INTS4: variants seen among roughly 807,000 people sequenced by gnomAD.
INTS4 encodes the protein MSTP093.
INTS4 carries 70 observed loss-of-function variants against 119.5 expected under a neutral mutation model. The observed-to-expected ratio is 0.59, with a 90% CI of 0.48 to 0.71. The LOEUF (loss-of-function observed/expected upper bound fraction) is 0.71, where lower values mean the gene tolerates loss of function less well. Among genes scored for constraint, INTS4 ranks in the 30% least tolerant of loss-of-function variants. The pLI is 0.00. For missense variants in INTS4, 867 were observed against 1,173.2 expected (o/e 0.74, Z 3.81); for synonymous variants, 316 against 419.6 (o/e 0.75, Z 3.02).
At chr11:77,909,642 T>C (rs1226788806) in intron 15 of INTS4, among the ~76,000 whole-genome samples, 3 of 152,196 alleles carry the variant, frequency 2.0e-5, no homozygotes, top group Admixed American at 6.5e-5. Flanking sequence ...AGGAAATAAA[T>C]AGCCATTATA....
At chr11:77,914,658 T>C (rs984643315) in intron 15 of INTS4, among the ~76,000 whole-genome samples, 9 of 152,212 alleles carry the variant, frequency 5.9e-5, no homozygotes, top group Admixed American at 5.2e-4. Flanking sequence ...TGGCAACTAC[T>C]CAACTCTGTG....
chr11:77,937,000 C>A (rs1477447182), intron 10 of INTS4, among the ~76,000 whole-genome samples: 1 of 152,024 alleles, frequency 6.6e-6, no homozygotes, highest in African/African-American at 2.4e-5. Flanking sequence ...CATGGCAAAA[C>A]CCCGTCTCTA....
At position 77,978,990 on chromosome 11, in the gene INTS4, T is replaced by C; in HGVS notation, c.471+6A>G. The C allele has an allele frequency of 6.3e-7, 1 of 1,576,628 alleles. No homozygotes were observed. The highest frequency in any genetic ancestry group is 2.2e-5 in the East Asian group (1 of 44,614). ...GGATGGATCTGAATAGATTTTATAC[T>C]CTTACCTTGCAGGCCACATCAACTA... is the stretch of plus-strand genomic sequence containing the variant. On this transcript the variant is annotated splice_donor_region_variant and intron_variant, in intron 4 of 22. Coordinates refer to ENST00000534064, the MANE Select transcript of INTS4 (RefSeq NM_033547.4).
In INTS4 at chr11:77,948,138, C is replaced by T. The variant is rs565071749; in HGVS notation, c.919-6887G>A. Reference sequence around the variant, plus strand: ...TGCTGGGATAATAGGCAAGAGCCACCACACCAGCCTAACTGAAGACTCTGT... The same window carrying T: ...TGCTGGGATAATAGGCAAGAGCCACTACACCAGCCTAACTGAAGACTCTGT... On this transcript the variant is annotated intron_variant, in intron 8 of 22. Coordinates refer to ENST00000534064, the MANE Select transcript of INTS4 (RefSeq NM_033547.4). 1.6e-3 allele frequency among the ~76,000 whole-genome samples: 243 copies of T among 152,230 alleles called. 3 individuals carry two copies. The highest frequency in any genetic ancestry group is 9.7e-4 in the East Asian group (5 of 5,152).
chr11:77,907,079 TTTTGTTTG>T (rs374666939), intron 16 of INTS4, among the ~76,000 whole-genome samples: 1 of 152,130 alleles, frequency 6.6e-6, no homozygotes, highest in Non-Finnish European at 1.5e-5. Flanking sequence ...CAGTGAGTTT[TTTTGTTTG>T]TTTGTTTGTT....
intron 22 of INTS4, among the ~76,000 whole-genome samples, chr11:77,881,045 A>G (rs537856230): frequency 6.6e-6 from 1 of 152,348 alleles, no homozygotes; most frequent in South Asian, 2.1e-4. Context: ...AACATTTGAT[A>G]AGAATGGCAA....
intron 2 of INTS4, chr11:77,987,313 T>C (rs1213954943): frequency 6.1e-6 from 1 of 164,944 alleles, no homozygotes; most frequent in Non-Finnish European, 1.3e-5. Flanking sequence ...TGACCTTGGA[T>C]ACTAAACAGC....
At chr11:77,903,317 C>A (rs1459771571) in intron 17 of INTS4, among the ~76,000 whole-genome samples, 3 of 151,616 alleles carry the variant, frequency 2.0e-5, no homozygotes, top group Admixed American at 6.6e-5. Context: ...CCAGACAATT[C>A]CTGGACAGAG....
intron 21 of INTS4, 97 bp downstream of exon 21, chr11:77,891,222 T>C (rs1952247145): frequency 8.7e-7 from 1 of 1,149,278 alleles, no homozygotes; most frequent in African/African-American, 1.6e-5. Context: ...CCTGTCCCAG[T>C]TTCTGTCCCT....
intron 16 of INTS4, among the ~76,000 whole-genome samples, chr11:77,904,116 C>T (rs1289585736): frequency 6.6e-6 from 1 of 152,200 alleles, no homozygotes; most frequent in Non-Finnish European, 1.5e-5. Context: ...TTCAATCTTT[C>T]TACATTCAAA....
rs189651575 is a variant in INTS4 at position 77,964,430 on chromosome 11, C to T, written c.472-3292G>A. The stretch of plus-strand genomic sequence containing the variant: ...AAAAAAAAATACAAAAAAAATTAGC[C>T]GGGCATGGTCGCGGGCACCTGTAGT... On this transcript the variant is annotated intron_variant, in intron 4 of 22. Coordinates refer to ENST00000534064, the MANE Select transcript of INTS4 (RefSeq NM_033547.4). Among the ~76,000 whole-genome samples the T allele has an allele frequency of 3.1e-3, 470 of 151,652 alleles. 5 individuals are homozygous for T. The highest frequency in any genetic ancestry group is 2.5e-3 in the Admixed American group (38 of 15,212).
chr11:77,901,463 G>A lies in INTS4; in HGVS notation c.2186C>T (p.Ala729Val). The A allele has an allele frequency of 6.2e-7, 1 of 1,613,878 alleles. No homozygotes were observed. Among genetic ancestry groups the A allele is most frequent in the Non-Finnish European group, 8.5e-7 (1 of 1,179,842 alleles). ...TGTTACTATAAGTTGCAAAGCTTTGGCCTGCAGCCTCATGTGATGTATAAT... is the reference window on the plus strand; with the variant it reads ...TGTTACTATAAGTTGCAAAGCTTTGACCTGCAGCCTCATGTGATGTATAAT... ...VVIIHHMRLQ[A>V]KALQLIVTAR... The change falls in exon 18 of 23, where the codon GCC (alanine) becomes GTC (valine). Residue 729 changes from alanine (A) to valine (V), a missense_variant. Around this residue, in one of 5 missense-constraint regions of INTS4, gnomAD observed 262 missense variants for 376.0 expected, o/e 0.70. Coordinates refer to ENST00000534064, the MANE Select transcript of INTS4 (RefSeq NM_033547.4).
At chr11:77,904,019 C>A (rs1289410895) in intron 16 of INTS4, among the ~76,000 whole-genome samples, 1 of 152,092 alleles carries the variant, frequency 6.6e-6, no homozygotes, top group East Asian at 1.9e-4. Flanking sequence ...TTTTTCTTTT[C>A]CCCTATGCTC....
chr11:77,934,464 G>T (rs1028670489), intron 10 of INTS4, among the ~76,000 whole-genome samples: 3 of 151,772 alleles, frequency 2.0e-5, no homozygotes, highest in Admixed American at 6.6e-5. Flanking sequence ...ACTGCAGGGA[G>T]ACAAATCCCA....
intron 21 of INTS4, among the ~76,000 whole-genome samples, chr11:77,886,650 T>G (rs9667494): frequency 6.6e-6 from 1 of 152,140 alleles, no homozygotes; most frequent in Non-Finnish European, 1.5e-5. Flanking sequence ...GCCAAGGGAA[T>G]GGGCTTGGCG....
intron 21 of INTS4, among the ~76,000 whole-genome samples, chr11:77,885,236 C>T (rs1319098047): frequency 1.3e-5 from 2 of 152,044 alleles, no homozygotes; most frequent in Non-Finnish European, 2.9e-5. Context: ...CACCGTCATG[C>T]CCGGCTAATT....
chr11:77,965,501 C>T (rs1428200738), intron 4 of INTS4, among the ~76,000 whole-genome samples: 1 of 152,312 alleles, frequency 6.6e-6, no homozygotes, highest in East Asian at 1.9e-4. Flanking sequence ...TTTACTACCA[C>T]TCCTAGCCTC....
At chr11:77,969,181 T>A (rs969364775) in intron 4 of INTS4, among the ~76,000 whole-genome samples, 1 of 152,156 alleles carries the variant, frequency 6.6e-6, no homozygotes, top group African/African-American at 2.4e-5. Flanking sequence ...GTGATCTGCC[T>A]GCTTTGGCCT....
chr11:77,875,312 G>A (rs598933), downstream of INTS4, among the ~76,000 whole-genome samples: 60,788 of 152,048 alleles, frequency 0.4, 12,750 homozygotes, highest in African/African-American at 0.51. Flanking sequence ...AAGAAATAAG[G>A]CGTGTAAACA....
Sources: allele counts gnomAD v4.1 joint callset (sites outside exome capture counted in the v4.1 genomes callset), GRCh38; gene constraint gnomAD v4.1.1; regional missense constraint gnomAD v4.1.1; transcripts MANE v1.5; gene names NCBI Gene and HGNC (gene_info 2026-07-23, HGNC 2026-07-21).